Variants in PAN3 observed in about 807,000 individuals in gnomAD.
PAN3 encodes the protein poly(A) specific ribonuclease subunit PAN3.
A neutral mutation model predicts 96.2 loss-of-function variants in PAN3; 19 were observed. The observed-to-expected ratio is 0.20, with a 90% CI of 0.14 to 0.29. The LOEUF (loss-of-function observed/expected upper bound fraction) is 0.29, where lower values mean the gene tolerates loss of function less well. PAN3 is among the 10% of genes least tolerant of loss of function. The probability of loss-of-function intolerance (pLI) is 1.00; values close to 1 mark genes in which losing one functional copy is unlikely to be tolerated. For missense variants in PAN3, 882 were observed against 1,108.1 expected (o/e 0.80, Z 2.90); for synonymous variants, 433 against 406.6 (o/e 1.06, Z -0.78).
At chr13:28,230,041 T>C (rs1345007756) in intron 6 of PAN3, among the ~76,000 whole-genome samples, 6 of 152,032 alleles carry the variant, frequency 3.9e-5, no homozygotes, top group South Asian at 4.1e-4. Context: ...CACAAAGATA[T>C]CTTTTAGTAC....
chr13:28,144,496 T>G (rs984273371), intron 1 of PAN3, among the ~76,000 whole-genome samples: 28 of 152,040 alleles, frequency 1.8e-4, no homozygotes, highest in Non-Finnish European at 4.0e-4. Flanking sequence ...ATTACAGGCG[T>G]GAGCCACTGG....
At chr13:28,147,804 C>T (rs1870869681) in intron 1 of PAN3, among the ~76,000 whole-genome samples, 1 of 152,188 alleles carries the variant, frequency 6.6e-6, no homozygotes. Context: ...GCAGATCTCA[C>T]TAATCCTGGC....
At chr13:28,156,000 T>G (rs992896717) in intron 1 of PAN3, among the ~76,000 whole-genome samples, 2 of 152,078 alleles carry the variant, frequency 1.3e-5, no homozygotes, top group African/African-American at 4.8e-5. Flanking sequence ...TGCTAGTAAG[T>G]GATATGATAA....
intron 4 of PAN3, among the ~76,000 whole-genome samples, chr13:28,186,623 C>T (rs1395268768): frequency 6.6e-6 from 1 of 152,106 alleles, no homozygotes; most frequent in Non-Finnish European, 1.5e-5. Flanking sequence ...TATAATAAAA[C>T]TCATTTCTGA....
intron 1 of PAN3, among the ~76,000 whole-genome samples, chr13:28,144,860 C>T (rs1033647903): frequency 6.6e-6 from 1 of 151,180 alleles, no homozygotes. Flanking sequence ...GCTGGGATTA[C>T]AGGAGCCTGC....
chr13:28,292,237 G>T (rs900244216), intron 18 of PAN3, 145 bp from the exon 19 acceptor site: 4 of 769,112 alleles, frequency 5.2e-6, no homozygotes, highest in Non-Finnish European at 7.7e-6. Flanking sequence ...TGTGCATACT[G>T]ATGAATGATA....
intron 6 of PAN3, among the ~76,000 whole-genome samples, chr13:28,238,476 T>C (rs1593536392): frequency 6.6e-6 from 1 of 152,238 alleles, no homozygotes; most frequent in Non-Finnish European, 1.5e-5. Flanking sequence ...AGACAATGCA[T>C]GGTCACTACT....
At chr13:28,215,781 G>A in intron 5 of PAN3, 1 of 1,434,662 alleles carries the variant, frequency 7.0e-7, no homozygotes, top group Non-Finnish European at 9.7e-7. Context: ...GAGTTGTTTT[G>A]CTGTTGGTGA....
intron 14 of PAN3, among the ~76,000 whole-genome samples, chr13:28,274,263 T>C (rs1886876789): frequency 6.6e-6 from 1 of 152,168 alleles, no homozygotes; most frequent in Non-Finnish European, 1.5e-5. Context: ...CTACTTTCAT[T>C]CTTATCTTCT....
Position 28,138,746 on chromosome 13 carries a change from C to T in PAN3, c.89C>T (p.Pro30Leu). Reference sequence around the variant, plus strand: ...GCGGCGGCGGTGGCGGTGGTGGCCCCGCCGGGGGTCGGGGGTGTCCCCGGC... The same window carrying T: ...GCGGCGGCGGTGGCGGTGGTGGCCCTGCCGGGGGTCGGGGGTGTCCCCGGC... ...SLAAAVAVVAPPGVGGVPGGA... is the reference protein window; with the variant it reads ...SLAAAVAVVALPGVGGVPGGA... The change falls in exon 1 of 19, where the codon CCG becomes CTG. Residue 30 changes from proline to leucine, a missense_variant. Transcript: ENST00000380958. 7.5e-7 allele frequency: 1 copy of T among 1,325,096 alleles called. No individual in the cohort carries two copies. The highest frequency in any genetic ancestry group is 9.6e-7 in the Non-Finnish European group (1 of 1,042,756). 82.1% of individuals were successfully genotyped at this position (1,325,096 alleles called of 1,614,324 possible). A position where few individuals can be genotyped will look rare whatever the true frequency, so the allele number is the denominator to read the frequency against.
intron 16 of PAN3, 95 bp downstream of exon 16, chr13:28,280,636 A>G (rs1340194416): frequency 1.8e-6 from 2 of 1,137,982 alleles, no homozygotes; most frequent in African/African-American, 1.9e-5. Context: ...ATCTCGGCTT[A>G]CTGTAACCTC....
At chr13:28,214,205 A>C (rs1880445833) in intron 5 of PAN3, among the ~76,000 whole-genome samples, 1 of 152,234 alleles carries the variant, frequency 6.6e-6, no homozygotes, top group African/African-American at 2.4e-5. Flanking sequence ...TTTTTAACCA[A>C]GAATAATGAA....
chr13:28,282,661 T>C (rs1868433532), intron 17 of PAN3, among the ~76,000 whole-genome samples: 1 of 152,196 alleles, frequency 6.6e-6, no homozygotes, highest in Non-Finnish European at 1.5e-5. Flanking sequence ...ACCTCTCCCA[T>C]GCGGTCAAAA....
At chr13:28,165,699 A>G (rs927608913) in intron 1 of PAN3, among the ~76,000 whole-genome samples, 3 of 152,174 alleles carry the variant, frequency 2.0e-5, no homozygotes, top group Non-Finnish European at 2.9e-5. Flanking sequence ...TAATTTTTAT[A>G]GAACAGAAAT....
At chr13:28,271,940 CTTATT>C in intron 13 of PAN3, 36 bp from the exon 14 acceptor site, 1 of 1,371,250 alleles carries the variant, frequency 7.3e-7, no homozygotes, top group Non-Finnish European at 9.9e-7. Flanking sequence ...TTTTTAAAAA[CTTATT>C]TTAATTATTT....
chr13:28,241,256 C>T (rs1883634995), intron 6 of PAN3, among the ~76,000 whole-genome samples: 2 of 152,048 alleles, frequency 1.3e-5, no homozygotes, highest in African/African-American at 2.4e-5. Flanking sequence ...GAGTGAAACG[C>T]TGTTTCAAAA....
At chr13:28,193,873 G>A (rs1475646821) in intron 4 of PAN3, among the ~76,000 whole-genome samples, 1 of 150,634 alleles carries the variant, frequency 6.6e-6, no homozygotes, top group African/African-American at 2.4e-5. Flanking sequence ...AAGTACATTT[G>A]AGGCCCAGTG....
chr13:28,220,738 T>C (rs1391276619), intron 6 of PAN3, among the ~76,000 whole-genome samples: 1 of 152,214 alleles, frequency 6.6e-6, no homozygotes, highest in Non-Finnish European at 1.5e-5. Context: ...TTTATGTACA[T>C]ATGCCTCAGA....
At chr13:28,197,426 G>A in intron 5 of PAN3, 80 bp downstream of exon 5, 1 of 1,371,640 alleles carries the variant, frequency 7.3e-7, no homozygotes, top group Non-Finnish European at 9.9e-7. Flanking sequence ...TGGTGGTTGT[G>A]AAAGGATTGG....
Sources: gnomAD v4.1 joint callset for allele counts (sites outside exome capture counted in the v4.1 genomes callset) on GRCh38, gnomAD v4.1.1 for gene constraint, MANE v1.5 for transcripts, NCBI Gene and HGNC (gene_info 2026-07-23, HGNC 2026-07-21) for gene names.